NKAIN3: variants seen among roughly 807,000 people sequenced by gnomAD.
NKAIN3 encodes the protein sodium/potassium-transporting ATPase subunit beta-1-interacting protein 3.
Under a neutral mutation model 30.2 loss-of-function variants are expected in NKAIN3, and 25 were observed. The observed-to-expected ratio is 0.83, with a 90% CI of 0.60 to 1.16. The LOEUF (loss-of-function observed/expected upper bound fraction) is 1.16, where lower values mean the gene tolerates loss of function less well. Among genes scored for constraint, NKAIN3 ranks in the 50% most tolerant of loss-of-function variants. The probability of loss-of-function intolerance (pLI) is 0.00; values close to 1 mark genes in which losing one functional copy is unlikely to be tolerated. For synonymous variants in NKAIN3, 91 were observed against 89.6 expected, an observed-to-expected ratio of 1.02 and a Z score of -0.09; for missense variants, 225 against 254.1, an observed-to-expected ratio of 0.89 and a Z score of 0.78.
intron 4 of NKAIN3, among the ~76,000 whole-genome samples, chr8:62,882,474 T>C (rs1290610914): frequency 6.6e-6 from 1 of 152,046 alleles, no homozygotes; most frequent in Non-Finnish European, 1.5e-5. Flanking sequence ...TCCATCACCC[T>C]GTCTGGCTAA....
At chr8:62,808,364 T>G (rs1258045971) in intron 4 of NKAIN3, among the ~76,000 whole-genome samples, 2 of 152,232 alleles carry the variant, frequency 1.3e-5, no homozygotes, top group African/African-American at 2.4e-5. Flanking sequence ...CAATAGTTAT[T>G]CTAGTGTAAC....
chr8:62,599,221 G>C (rs1268007169), intron 3 of NKAIN3, among the ~76,000 whole-genome samples: 1 of 152,068 alleles, frequency 6.6e-6, no homozygotes, highest in Non-Finnish European at 1.5e-5. Flanking sequence ...CCCTGCAGCA[G>C]GCATTTGTTA....
chr8:62,524,406 A>T (rs1808240219), intron 1 of NKAIN3, among the ~76,000 whole-genome samples: 1 of 152,144 alleles, frequency 6.6e-6, no homozygotes, highest in Admixed American at 6.6e-5. Flanking sequence ...TGAATTAATG[A>T]TTGATTCATT....
In NKAIN3 at chr8:62,583,578, T is replaced by A. The variant is rs144399909; in HGVS notation, c.192+3902T>A. Among the ~76,000 whole-genome samples, 3 of 152,182 alleles carry A rather than the reference T, an allele frequency of 2.0e-5. No individual in the cohort carries two copies. In the East Asian group the frequency reaches 5.8e-4, roughly 29 times the overall value. On this transcript the variant is annotated intron_variant, in intron 2 of 6. Transcript: ENST00000623646. ...CTGATTTCCCAGATGAGAAAAGAGG[T>A]CAGAAAGATTGAGCGACTAGCCCAA... is the stretch of plus-strand genomic sequence containing the variant.
At chr8:62,374,978 C>A (rs531621446) in intron 1 of NKAIN3, among the ~76,000 whole-genome samples, 1 of 152,196 alleles carries the variant, frequency 6.6e-6, no homozygotes, top group African/African-American at 2.4e-5. Context: ...TGTTGTCAAT[C>A]ATTAATTATT....
intron 1 of NKAIN3, among the ~76,000 whole-genome samples, chr8:62,576,621 T>C (rs891246481): frequency 6.6e-6 from 1 of 152,176 alleles, no homozygotes; most frequent in Non-Finnish European, 1.5e-5. Flanking sequence ...TCTCGAAACA[T>C]GCATATAAAC....
intron 1 of NKAIN3, among the ~76,000 whole-genome samples, chr8:62,346,263 G>T (rs1043939285): frequency 6.6e-6 from 1 of 152,054 alleles, no homozygotes; most frequent in African/African-American, 2.4e-5. Context: ...TAAAGTGATC[G>T]ATGTGTCAAT....
chr8:62,400,423 C>T (rs527958112), intron 1 of NKAIN3, among the ~76,000 whole-genome samples: 142 of 152,168 alleles, frequency 9.3e-4, no homozygotes, highest in Non-Finnish European at 1.6e-3. Context: ...CCACCTGCCT[C>T]GGCCTCCCAG....
intron 4 of NKAIN3, among the ~76,000 whole-genome samples, chr8:62,753,222 A>C (rs1816342137): frequency 6.7e-6 from 1 of 150,104 alleles, no homozygotes; most frequent in South Asian, 2.1e-4. Flanking sequence ...ACACACACAC[A>C]CACACACACA....
chr8:62,409,416 TC>T (rs530875617), intron 1 of NKAIN3, among the ~76,000 whole-genome samples: 1 of 152,180 alleles, frequency 6.6e-6, no homozygotes, highest in Non-Finnish European at 1.5e-5. Flanking sequence ...ACTTCTGACC[TC>T]CGGTGCTCCT....
At chr8:62,269,963 T>C (rs181437022) in intron 1 of NKAIN3, among the ~76,000 whole-genome samples, 309 of 152,318 alleles carry the variant, frequency 2.0e-3, no homozygotes, top group Non-Finnish European at 3.7e-3. Context: ...AAGTAATTTA[T>C]GTTAAAGTAC....
intron 3 of NKAIN3, among the ~76,000 whole-genome samples, chr8:62,625,445 T>G (rs1034566365): frequency 1.3e-5 from 2 of 152,104 alleles, no homozygotes; most frequent in Admixed American, 1.3e-4. Flanking sequence ...AAAATCTACT[T>G]AAGCACTGTG....
intron 4 of NKAIN3, among the ~76,000 whole-genome samples, chr8:62,858,143 C>T (rs1438820828): frequency 2.6e-5 from 4 of 152,084 alleles, no homozygotes; most frequent in Admixed American, 6.5e-5. Flanking sequence ...CTGCTCCAGA[C>T]CCTAGTTACC....
chr8:62,937,188 C>G (rs145062508), intron 5 of NKAIN3, among the ~76,000 whole-genome samples: 13 of 152,042 alleles, frequency 8.6e-5, no homozygotes, highest in Non-Finnish European at 1.6e-4. Flanking sequence ...AACTAACTTG[C>G]GGCTCCCACT....
In NKAIN3 at chr8:62,979,950, C is replaced by T. The variant is rs1824036942; in HGVS notation, c.*14543C>T. ...GTCTGAGCATCAGAAAGCCACCTTC[C>T]AGTGGGTCTTTGCCTAGCTTTTGTC... On this transcript the variant is annotated 3_prime_UTR_variant, in exon 7 of 7. Coordinates refer to ENST00000623646, the MANE Select transcript of NKAIN3 (RefSeq NM_001304533.3). 1.3e-5 allele frequency: 2 copies of T among 152,224 alleles called. No homozygotes were observed. The highest frequency in any genetic ancestry group is 4.1e-4 in the South Asian group (2 of 4,830). 9.4% of individuals were successfully genotyped at this position (152,224 alleles called of 1,614,324 possible). A position where few individuals can be genotyped will look rare whatever the true frequency, so the allele number is the denominator to read the frequency against.
intron 1 of NKAIN3, among the ~76,000 whole-genome samples, chr8:62,372,491 A>G (rs1816941885): frequency 6.6e-6 from 1 of 151,992 alleles, no homozygotes; most frequent in Non-Finnish European, 1.5e-5. Flanking sequence ...CAGCTAAGTG[A>G]ATACCTTTAG....
At chr8:62,801,116 G>T (rs1423035246) in intron 4 of NKAIN3, among the ~76,000 whole-genome samples, 1 of 152,226 alleles carries the variant, frequency 6.6e-6, no homozygotes, top group East Asian at 1.9e-4. Flanking sequence ...AAGCCGGGAA[G>T]CTCCAACTGG....
chr8:62,532,852 CCA>C (rs1474718123), intron 1 of NKAIN3, among the ~76,000 whole-genome samples: 1 of 152,140 alleles, frequency 6.6e-6, no homozygotes, highest in Non-Finnish European at 1.5e-5. Flanking sequence ...ATGAAAACGT[CCA>C]CTCCACATCC....
intron 1 of NKAIN3, among the ~76,000 whole-genome samples, chr8:62,346,272 A>G (rs935888463): frequency 6.6e-5 from 10 of 152,102 alleles, no homozygotes; most frequent in African/African-American, 1.4e-4. Context: ...CGATGTGTCA[A>G]TTACCCCTAT....
Sources: allele counts gnomAD v4.1 joint callset (sites outside exome capture counted in the v4.1 genomes callset), GRCh38; gene constraint gnomAD v4.1.1; transcripts MANE v1.5; gene names NCBI Gene and HGNC (gene_info 2026-07-23, HGNC 2026-07-21).